The following KCNG2 variants were observed in gnomAD, a reference collection of about 807,000 sequenced individuals.
KCNG2 encodes the protein voltage-gated potassium channel regulatory subunit KCNG2.
A neutral mutation model predicts 12.3 loss-of-function variants in KCNG2; 7 were observed. That is an observed-to-expected ratio of 0.57 (90% CI 0.32 to 1.07). KCNG2 has a LOEUF of 1.07. KCNG2 is among the 50% of genes least tolerant of loss of function. The pLI is 0.04. For synonymous variants in KCNG2, 414 were observed against 351.4 expected (o/e 1.18, Z -1.99); for missense variants, 703 against 726.0 (o/e 0.97, Z 0.36).
chr18:79,857,876 CTT>C (rs1196086118), intron 2 of KCNG2, among the ~76,000 whole-genome samples: 5 of 152,158 alleles, frequency 3.3e-5, no homozygotes, highest in Non-Finnish European at 7.4e-5. Context: ...AATTCCAGGA[CTT>C]TTCATCGTCC....
rs187816518 is a variant in KCNG2 at position 79,848,205 on chromosome 18, C to A, written c.-114-8174C>A. 1.7e-3 allele frequency among the ~76,000 whole-genome samples: 256 copies of A among 152,320 alleles called. 4 individuals carry two copies. The highest frequency in any genetic ancestry group is 1.8e-4 in the Non-Finnish European group (12 of 68,034). On this transcript the variant is annotated intron_variant, in intron 1 of 3. Coordinates refer to ENST00000316249, the MANE Select transcript of KCNG2 (RefSeq NM_012283.2). ...TCGATCCCTGAGGCTAATGGTGACGCATATGCTTCTAAGTAGGGTTTGCCT... is the reference window on the plus strand; with the variant it reads ...TCGATCCCTGAGGCTAATGGTGACGAATATGCTTCTAAGTAGGGTTTGCCT...
chr18:79,827,440 C>T (rs1978286962), intron 1 of KCNG2, among the ~76,000 whole-genome samples: 1 of 152,210 alleles, frequency 6.6e-6, no homozygotes, highest in African/African-American at 2.4e-5. Context: ...GCCAGGGTTT[C>T]GGCCCCACCA....
chr18:79,887,755 TC>T (rs895608705), intron 3 of KCNG2, among the ~76,000 whole-genome samples: 1 of 152,096 alleles, frequency 6.6e-6, no homozygotes, highest in Non-Finnish European at 1.5e-5. Flanking sequence ...CTGCAGGGGC[TC>T]CCTCGGGCAC....
intron 3 of KCNG2, among the ~76,000 whole-genome samples, chr18:79,870,731 TAGATTTCATGACTGGGATTTGA>T (rs1451000408): frequency 2.0e-5 from 3 of 152,256 alleles, no homozygotes; most frequent in Non-Finnish European, 4.4e-5. Flanking sequence ...TAATTAGTTA[TAGATTTCATGACTGGGATTTGA>T]AGCATTGAAT....
Position 79,836,670 on chromosome 18 carries a change from AGCAAGACCTTCTTCACATG to A in KCNG2, c.-114-19706_-114-19688del, listed in dbSNP as rs1978328444. Among the ~76,000 whole-genome samples the A allele has an allele frequency of 3.3e-5, 5 of 152,226 alleles. No homozygotes were observed. The East Asian group carries it at 9.6e-4, about 29-fold the overall frequency. On this transcript the variant is annotated intron_variant, in intron 1 of 3. Transcript: ENST00000316249. ...CAATCATGGCGAGAGGTAAAGGAGA[AGCAAGACCTTCTTCACATG>A]GCTGCAGGAGAGAGAGAGTGAGTGA...
chr18:79,838,962 A>T (rs1173439770), intron 1 of KCNG2, among the ~76,000 whole-genome samples: 1 of 152,168 alleles, frequency 6.6e-6, no homozygotes, highest in Non-Finnish European at 1.5e-5. Context: ...AACAATAGGG[A>T]AAAGCAGTGA....
intron 2 of KCNG2, among the ~76,000 whole-genome samples, chr18:79,856,913 G>A (rs1160553518): frequency 1.3e-5 from 2 of 151,524 alleles, no homozygotes; most frequent in Admixed American, 1.3e-4. Flanking sequence ...TGTAGGGCTC[G>A]GGAAATCTCC....
chr18:79,827,360 AAGAGTTCTGTTCCTTGGTC>A (rs1978286916), intron 1 of KCNG2, among the ~76,000 whole-genome samples: 1 of 152,144 alleles, frequency 6.6e-6, no homozygotes, highest in Non-Finnish European at 1.5e-5. Flanking sequence ...CGTGCCTCTA[AAGAGTTCTGTTCCTTGGTC>A]AGAGTTCCAG....
chr18:79,804,518 C>T (rs1238469425), intron 1 of KCNG2, among the ~76,000 whole-genome samples: 7 of 152,214 alleles, frequency 4.6e-5, no homozygotes, highest in Non-Finnish European at 8.8e-5. Context: ...CACCCGTGGC[C>T]GGTCCTGAGC....
chr18:79,896,654 T>G (rs28420664), intron 3 of KCNG2, among the ~76,000 whole-genome samples: 2,377 of 152,366 alleles, frequency 0.016, 66 homozygotes, highest in African/African-American at 0.055. Flanking sequence ...GTGTCTTTTC[T>G]AATTACATAA....
chr18:79,857,952 C>T (rs1248202364), intron 2 of KCNG2, among the ~76,000 whole-genome samples: 1 of 152,092 alleles, frequency 6.6e-6, no homozygotes, highest in Non-Finnish European at 1.5e-5. Context: ...CTCTGGAACC[C>T]CCTTGCCGGC....
chr18:79,814,105 C>T (rs140397438), intron 1 of KCNG2, among the ~76,000 whole-genome samples: 71 of 152,252 alleles, frequency 4.7e-4, no homozygotes, highest in African/African-American at 1.7e-3. Flanking sequence ...TTGACAACAC[C>T]GAATGCTGAC....
At chr18:79,895,137 G>A (rs995477884) in intron 3 of KCNG2, among the ~76,000 whole-genome samples, 17 of 135,708 alleles carry the variant, frequency 1.3e-4, no homozygotes, top group Middle Eastern at 4.8e-3. Flanking sequence ...ACATCTAATG[G>A]TACAATTGAT....
At chr18:79,872,006 C>T (rs753652581) in intron 3 of KCNG2, among the ~76,000 whole-genome samples, 4 of 152,130 alleles carry the variant, frequency 2.6e-5, no homozygotes, top group Non-Finnish European at 5.9e-5. Flanking sequence ...GTGATGGCAA[C>T]GCTCCTGCAC....
chr18:79,818,479 C>A (rs971814381), intron 1 of KCNG2, among the ~76,000 whole-genome samples: 1 of 152,168 alleles, frequency 6.6e-6, no homozygotes, highest in South Asian at 2.1e-4. Context: ...TAAGCAACAG[C>A]ACGTCAGGAA....
chr18:79,843,409 A>T (rs1320318480), intron 1 of KCNG2, among the ~76,000 whole-genome samples: 1 of 152,178 alleles, frequency 6.6e-6, no homozygotes, highest in Non-Finnish European at 1.5e-5. Flanking sequence ...TAAAGGATAA[A>T]ACTTACTGTA....
chr18:79,826,401 G>A (rs1978285976), intron 1 of KCNG2, among the ~76,000 whole-genome samples: 1 of 152,238 alleles, frequency 6.6e-6, no homozygotes, highest in Non-Finnish European at 1.5e-5. Flanking sequence ...CCCACCGCAC[G>A]AAGCTTCACA....
At chr18:79,847,836 T>C (rs1476343354) in intron 1 of KCNG2, among the ~76,000 whole-genome samples, 1 of 152,228 alleles carries the variant, frequency 6.6e-6, no homozygotes, top group Non-Finnish European at 1.5e-5. Flanking sequence ...GGGCTCATGA[T>C]CAGGGATGGT....
chr18:79,858,082 C>A (rs897303604), intron 2 of KCNG2, among the ~76,000 whole-genome samples: 1 of 152,182 alleles, frequency 6.6e-6, no homozygotes, highest in Non-Finnish European at 1.5e-5. Context: ...CTCACTGCAA[C>A]CTCTGACTCC....
Sources: gnomAD v4.1 joint callset for allele counts (sites outside exome capture counted in the v4.1 genomes callset) on GRCh38, gnomAD v4.1.1 for gene constraint, MANE v1.5 for transcripts, NCBI Gene and HGNC (gene_info 2026-07-23, HGNC 2026-07-21) for gene names.